MAGI1: variants seen among roughly 807,000 people sequenced by gnomAD.
MAGI1 encodes the protein membrane-associated guanylate kinase, WW and PDZ domain-containing protein 1.
Under a neutral mutation model 139.9 loss-of-function variants are expected in MAGI1, and 58 were observed. The ratio of observed to expected loss-of-function variants is 0.41; its 90% confidence interval spans 0.34 to 0.52. The LOEUF is 0.52. Ranked by LOEUF, MAGI1 falls within the 20% of genes least tolerant of loss-of-function variation. The pLI, the probability that MAGI1 is intolerant of heterozygous loss-of-function variation, is 0.12. For synonymous variants in MAGI1, 812 were observed against 737.9 expected (o/e 1.10, Z -1.63); for missense variants, 1,874 against 1,901.6 (o/e 0.99, Z 0.27).
At chr3:65,549,366 T>A in intron 2 of MAGI1, 61 of 788,256 alleles carry the variant, frequency 7.7e-5, no homozygotes, top group Non-Finnish European at 8.7e-5. Context: ...TCCCCTCCCC[T>A]CTTCCTGCTG....
chr3:65,826,501 C>T (rs1407334823), intron 1 of MAGI1, among the ~76,000 whole-genome samples: 7 of 152,200 alleles, frequency 4.6e-5, no homozygotes, highest in Admixed American at 3.9e-4. Flanking sequence ...AGTATGGCTA[C>T]TCAGTCTGAT....
At chr3:65,812,228 A>G (rs1047111631) in intron 1 of MAGI1, among the ~76,000 whole-genome samples, 2 of 152,136 alleles carry the variant, frequency 1.3e-5, no homozygotes, top group Non-Finnish European at 2.9e-5. Flanking sequence ...TAATCTTATC[A>G]CATTCCTGAC....
chr3:65,997,444 C>G (rs536961137), intron 1 of MAGI1, among the ~76,000 whole-genome samples: 19 of 152,176 alleles, frequency 1.2e-4, no homozygotes, highest in Non-Finnish European at 2.5e-4. Context: ...ATCACGAGGT[C>G]AAGAGATCAA....
Position 65,746,090 on chromosome 3 carries a change from C to G in MAGI1, c.314-124002G>C, listed in dbSNP as rs556449970. On this transcript the variant is annotated intron_variant, in intron 1 of 22. Transcript: ENST00000402939. ...TTGCTCTGTCACCCAGGCTGCAGTA[C>G]AGTGGCACAATCTCAGCTCACTGCA... is the stretch of plus-strand genomic sequence containing the variant. 7.2e-5 allele frequency among the ~76,000 whole-genome samples: 11 copies of G among 152,272 alleles called. No homozygotes were observed. The East Asian group carries it at 2.1e-3, about 29-fold the overall frequency.
At chr3:65,879,694 G>T (rs1415629400) in intron 1 of MAGI1, among the ~76,000 whole-genome samples, 6 of 152,124 alleles carry the variant, frequency 3.9e-5, no homozygotes, top group Non-Finnish European at 8.8e-5. Context: ...GATAGTCTAG[G>T]TACAATACCT....
intron 1 of MAGI1, among the ~76,000 whole-genome samples, chr3:65,764,436 T>A (rs1199018751): frequency 6.6e-6 from 1 of 152,246 alleles, no homozygotes; most frequent in Non-Finnish European, 1.5e-5. Flanking sequence ...CAAGGGTTGC[T>A]GATATTCTAT....
intron 1 of MAGI1, among the ~76,000 whole-genome samples, chr3:66,009,379 C>G (rs544398924): frequency 1.3e-5 from 2 of 151,900 alleles, no homozygotes; most frequent in Non-Finnish European, 2.9e-5. Context: ...GCGTGGTGGC[C>G]GGTGCTTGTA....
intron 1 of MAGI1, among the ~76,000 whole-genome samples, chr3:65,966,193 G>C (rs2064731094): frequency 6.6e-6 from 1 of 152,134 alleles, no homozygotes; most frequent in South Asian, 2.1e-4. Flanking sequence ...GGTGACCAAT[G>C]ATGGCACTGC....
At position 65,474,322 on chromosome 3, in the gene MAGI1, A is replaced by G. The variant is rs139689673; in HGVS notation, c.758-3838T>C. 5.6e-3 allele frequency among the ~76,000 whole-genome samples: 848 copies of G among 152,230 alleles called. 8 individuals are homozygous for G. The highest frequency in any genetic ancestry group is 0.017 in the African/African-American group (713 of 41,538). On this transcript the variant is annotated intron_variant, in intron 4 of 22. Coordinates refer to ENST00000402939, the MANE Select transcript of MAGI1 (RefSeq NM_001033057.2). Reference sequence around the variant, plus strand: ...CCAAAGATTTAGGAGCACAGCCACCACTTTCTTACTAAAGGTTACCAGTGA... The same window carrying G: ...CCAAAGATTTAGGAGCACAGCCACCGCTTTCTTACTAAAGGTTACCAGTGA...
At chr3:65,396,501 G>GA (rs1178288253) in intron 13 of MAGI1, among the ~76,000 whole-genome samples, 1 of 152,002 alleles carries the variant, frequency 6.6e-6, no homozygotes, top group Non-Finnish European at 1.5e-5. Flanking sequence ...ATGGAAATGC[G>GA]AAAAAAATCA....
At chr3:65,668,852 G>A (rs937839040) in intron 1 of MAGI1, among the ~76,000 whole-genome samples, 3 of 151,848 alleles carry the variant, frequency 2.0e-5, no homozygotes, top group East Asian at 1.9e-4. Flanking sequence ...GTGCCCAGCC[G>A]CCATTTAGTC....
chr3:65,769,442 T>C (rs183659746), intron 1 of MAGI1, among the ~76,000 whole-genome samples: 251 of 152,072 alleles, frequency 1.7e-3, no homozygotes, highest in Non-Finnish European at 2.9e-3. Context: ...TAAGCTATGA[T>C]CGCACCACTG....
intron 1 of MAGI1, among the ~76,000 whole-genome samples, chr3:65,956,664 G>C (rs967892758): frequency 1.3e-5 from 2 of 152,090 alleles, no homozygotes; most frequent in African/African-American, 4.8e-5. Flanking sequence ...TAGACTACTC[G>C]TGGTAACATA....
chr3:65,909,362 C>CAAA (rs35345969), intron 1 of MAGI1, among the ~76,000 whole-genome samples: 1 of 130,776 alleles, frequency 7.6e-6, no homozygotes, highest in Non-Finnish European at 1.7e-5. Context: ...CCCATCTCTA[C>CAAA]AAAAAAAAAA....
chr3:65,786,508 A>T (rs188534823), intron 1 of MAGI1, among the ~76,000 whole-genome samples: 7 of 151,160 alleles, frequency 4.6e-5, no homozygotes, highest in African/African-American at 1.7e-4. Context: ...GGGTTTCCCC[A>T]TGTTGCCTGG....
chr3:66,024,571 C>A (rs1242858892), intron 1 of MAGI1, among the ~76,000 whole-genome samples: 1 of 152,138 alleles, frequency 6.6e-6, no homozygotes, highest in African/African-American at 2.4e-5. Flanking sequence ...CTTTGGGAGG[C>A]CAAGGTGGGC....
At chr3:65,906,697 C>A (rs2061447061) in intron 1 of MAGI1, among the ~76,000 whole-genome samples, 1 of 151,822 alleles carries the variant, frequency 6.6e-6, no homozygotes. Flanking sequence ...ACCAGCCTGA[C>A]CAACATGGTG....
rs1447151096 is a variant in MAGI1 at position 65,907,147 on chromosome 3, C to A, written c.313+130849G>T. 2.0e-5 allele frequency among the ~76,000 whole-genome samples: 3 copies of A among 151,994 alleles called. No homozygotes were observed. In the South Asian group the frequency reaches 6.2e-4, roughly 32 times the overall value. On this transcript the variant is annotated intron_variant, in intron 1 of 22. Coordinates refer to ENST00000402939, the MANE Select transcript of MAGI1 (RefSeq NM_001033057.2). ...AATTAACATGAATTCTACTCTACTGCCTAAGGAGAGCCCTTAATTAGATTT... is the reference window on the plus strand; with the variant it reads ...AATTAACATGAATTCTACTCTACTGACTAAGGAGAGCCCTTAATTAGATTT...
At chr3:65,510,173 G>C (rs372623287) in intron 2 of MAGI1, among the ~76,000 whole-genome samples, 11 of 152,284 alleles carry the variant, frequency 7.2e-5, no homozygotes, top group East Asian at 3.9e-4. Context: ...TCATCAAAGA[G>C]CAAAAGTAGA....
Sources: gnomAD v4.1 joint callset for allele counts (sites outside exome capture counted in the v4.1 genomes callset) on GRCh38, gnomAD v4.1.1 for gene constraint, MANE v1.5 for transcripts, NCBI Gene and HGNC (gene_info 2026-07-23, HGNC 2026-07-21) for gene names.